Variants in DNAH14 observed in about 807,000 individuals in gnomAD.
The protein encoded by DNAH14 is dynein axonemal heavy chain 14.
A neutral mutation model predicts 520.9 loss-of-function variants in DNAH14; 478 were observed. That is an observed-to-expected ratio of 0.92 (90% CI 0.85 to 0.99). The LOEUF (loss-of-function observed/expected upper bound fraction) is 0.99, where lower values mean the gene tolerates loss of function less well. Ranked by LOEUF, DNAH14 falls within the 50% of genes least tolerant of loss-of-function variation. The probability of loss-of-function intolerance (pLI) is 0.00; values close to 1 mark genes in which losing one functional copy is unlikely to be tolerated. For synonymous variants in DNAH14, 1,581 were observed against 1,757.2 expected (o/e 0.90, Z 2.51); for missense variants, 4,831 against 5,234.5 (o/e 0.92, Z 2.38).
At chr1:225,392,209 C>G in intron 83 of DNAH14, 82 bp from the exon 84 acceptor site, 2 of 1,469,352 alleles carry the variant, frequency 1.4e-6, no homozygotes, top group South Asian at 1.3e-5. Context: ...CCTTTCTTCT[C>G]CATGAGACAT....
chr1:225,238,003 T>C (rs144339915), intron 42 of DNAH14, among the ~76,000 whole-genome samples: 1 of 152,262 alleles, frequency 6.6e-6, no homozygotes, highest in South Asian at 2.1e-4. Flanking sequence ...CTATTCTGGT[T>C]ATCAGCTCCT....
At chr1:224,961,550 AG>A (rs1365966306) in intron 4 of DNAH14, among the ~76,000 whole-genome samples, 1 of 152,106 alleles carries the variant, frequency 6.6e-6, no homozygotes, top group Non-Finnish European at 1.5e-5. Context: ...GGCAGGATGG[AG>A]TGAGTGCAAA....
At chr1:225,267,292 C>CTTT (rs776025994) in intron 49 of DNAH14, among the ~76,000 whole-genome samples, 19 of 131,390 alleles carry the variant, frequency 1.4e-4, no homozygotes, top group Non-Finnish European at 1.8e-4. Flanking sequence ...GAATGGCTTC[C>CTTT]TTTTTTTTTT....
At chr1:225,324,117 G>A (rs1269367359) in intron 62 of DNAH14, 105 bp from the exon 63 acceptor site, 2 of 1,411,856 alleles carry the variant, frequency 1.4e-6, no homozygotes, top group Admixed American at 4.4e-5. Context: ...CCCCCGGCCT[G>A]AATATTTTAA....
rs2091260219 is a variant in DNAH14, at chr1:225,232,923, T to C, written c.6518+1772T>C. Among the ~76,000 whole-genome samples, 1 of 151,692 alleles carries C rather than the reference T, an allele frequency of 6.6e-6. No homozygotes were observed. The highest frequency in any genetic ancestry group is 1.5e-5 in the Non-Finnish European group (1 of 67,768). On this transcript the variant is annotated intron_variant, in intron 42 of 85. Coordinates refer to ENST00000682510, the MANE Select transcript of DNAH14 (RefSeq NM_001367479.1). This position sits in a 1 kb window ranked among gnomAD's most constrained non-coding sequence, Gnocchi z 4.2. ...ATCACCTAGGTATTAAGCCCAGCAT[T>C]CATTAGCTATTTTTCCTGATGCCCT...
At chr1:225,230,788 GAACA>G (rs1400246144) in intron 41 of DNAH14, among the ~76,000 whole-genome samples, 1 of 151,984 alleles carries the variant, frequency 6.6e-6, no homozygotes, top group Non-Finnish European at 1.5e-5. Context: ...TTACATTTTG[GAACA>G]ATCAGTCTTA....
In DNAH14 at chr1:225,021,885, C is replaced by T. The variant is rs115584957; in HGVS notation, c.1108-1730C>T. Among the ~76,000 whole-genome samples the T allele has an allele frequency of 9.6e-3, 1,455 of 152,228 alleles. 19 individuals carry two copies. The highest frequency in any genetic ancestry group is 0.033 in the African/African-American group (1,357 of 41,532). ...TCACATTACCCGACTTCAAACTATA[C>T]AAGACTACAGTAACCAAACAGCATG... is the stretch of plus-strand genomic sequence containing the variant. On this transcript the variant is annotated intron_variant, in intron 10 of 85. Transcript: ENST00000682510.
At chr1:225,240,040 A>C (rs1317909652) in intron 42 of DNAH14, among the ~76,000 whole-genome samples, 1 of 152,180 alleles carries the variant, frequency 6.6e-6, no homozygotes, top group Non-Finnish European at 1.5e-5. Flanking sequence ...CCAGATTCAG[A>C]CTGCCTGGCT....
intron 81 of DNAH14, among the ~76,000 whole-genome samples, chr1:225,385,091 C>T (rs1392891640): frequency 1.3e-5 from 2 of 152,108 alleles, no homozygotes; most frequent in Non-Finnish European, 2.9e-5. Context: ...AATCAATAAA[C>T]GTAATCCATC....
chr1:225,132,193 G>GTT lies in DNAH14; in HGVS notation c.4255-8566_4255-8565dup, dbSNP rs539410121. Among the ~76,000 whole-genome samples the GTT allele has an allele frequency of 2.7e-5, 4 of 148,922 alleles. No individual in the cohort carries two copies. The East Asian group carries it at 5.9e-4, about 22-fold the overall frequency. Reference sequence around the variant, plus strand: ...CAGGAGGTACCATTATCAAGTTGTTGTTTTTTTTTTCATCAACTTTTATTT... The same window carrying GTT: ...CAGGAGGTACCATTATCAAGTTGTTGTTTTTTTTTTTTCATCAACTTTTATTT... On this transcript the variant is annotated intron_variant, in intron 27 of 85. Coordinates refer to ENST00000682510, the MANE Select transcript of DNAH14 (RefSeq NM_001367479.1).
At chr1:225,164,743 T>C (rs1036183062) in intron 35 of DNAH14, among the ~76,000 whole-genome samples, 21 of 152,162 alleles carry the variant, frequency 1.4e-4, no homozygotes, top group Non-Finnish European at 5.9e-5. Context: ...TATCTATATT[T>C]GTCCCTTTCA....
rs952341860 is a variant in DNAH14 at position 225,232,040 on chromosome 1, C to A, written c.6518+889C>A. 6.6e-6 allele frequency among the ~76,000 whole-genome samples: 1 copy of A among 152,082 alleles called. No individual in the cohort carries two copies. On this transcript the variant is annotated intron_variant, in intron 42 of 85. Transcript: ENST00000682510. The surrounding 1 kb of genome is among the most constrained non-coding windows in gnomAD (Gnocchi z 4.2). ...TCTCCTAGATCTCAGGGTATCCTAT[C>A]ATCTGAGATAACTACTATTCTGGAT...
intron 47 of DNAH14, 100 bp from the exon 48 acceptor site, chr1:225,265,082 A>C (rs2093063866): frequency 2.4e-6 from 2 of 831,872 alleles, no homozygotes; most frequent in Non-Finnish European, 3.5e-6. Flanking sequence ...CAAAATAGTA[A>C]AATTATGTAA....
intron 17 of DNAH14, among the ~76,000 whole-genome samples, chr1:225,054,773 C>A (rs1048721612): frequency 6.6e-6 from 1 of 151,982 alleles, no homozygotes; most frequent in African/African-American, 2.4e-5. Context: ...ATAAAAACTA[C>A]TTCTGTTTCT....
intron 11 of DNAH14, 185 bp downstream of exon 11, chr1:225,024,050 C>A: frequency 8.0e-7 from 1 of 1,242,238 alleles, no homozygotes; most frequent in Non-Finnish European, 1.0e-6. Context: ...AATATCGGTG[C>A]TATAGGATGC....
intron 72 of DNAH14, among the ~76,000 whole-genome samples, chr1:225,353,448 A>C (rs1201537900): frequency 6.6e-6 from 1 of 152,178 alleles, no homozygotes; most frequent in Non-Finnish European, 1.5e-5. Context: ...GTTTACATTC[A>C]TCAGAAAAAC....
intron 56 of DNAH14, among the ~76,000 whole-genome samples, chr1:225,302,114 A>C (rs2094150163): frequency 6.7e-6 from 1 of 148,290 alleles, no homozygotes; most frequent in Admixed American, 6.8e-5. Flanking sequence ...TTTTATATAT[A>C]TAATATATAT....
chr1:225,342,983 C>T (rs966553580), intron 69 of DNAH14, among the ~76,000 whole-genome samples: 1 of 151,970 alleles, frequency 6.6e-6, no homozygotes, highest in Non-Finnish European at 1.5e-5. Flanking sequence ...TTGGACTTCC[C>T]GGAAGCAAGA....
intron 81 of DNAH14, among the ~76,000 whole-genome samples, chr1:225,384,092 G>C (rs1033401570): frequency 6.6e-6 from 1 of 152,172 alleles, no homozygotes; most frequent in African/African-American, 2.4e-5. Context: ...TTGCACTGTG[G>C]TCTAAGAAAC....
Sources: gnomAD v4.1 joint callset for allele counts (sites outside exome capture counted in the v4.1 genomes callset) on GRCh38, gnomAD v4.1.1 for gene constraint, Gnocchi (gnomAD v3.1) non-coding constraint, MANE v1.5 for transcripts, NCBI Gene and HGNC (gene_info 2026-07-23, HGNC 2026-07-21) for gene names.